The following RPSA2 variants were observed in gnomAD, a reference collection of about 807,000 sequenced individuals.
RPSA2 encodes small ribosomal subunit protein uS2B.
At chr19:23,823,836 C>T in the RPSA2 span, 1 of 152,552 alleles carries the variant, frequency 6.6e-6, no homozygotes, top group South Asian at 2.1e-4. Flanking sequence ...GATAGCTGAT[C>T]CCTTCTTCAG....
the RPSA2 span, among the ~76,000 whole-genome samples, chr19:23,785,793 A>G: frequency 1.3e-5 from 2 of 152,172 alleles, no homozygotes; most frequent in Admixed American, 6.5e-5. Flanking sequence ...TCATACCTCA[A>G]ACCATCTAAT....
chr19:23,831,997 A>C, the RPSA2 span: 1 of 402,850 alleles, frequency 2.5e-6, no homozygotes, highest in African/African-American at 2.1e-5. Context: ...AAAAACCTTT[A>C]ATTGGTCCTC....
At chr19:23,834,822 A>G in the RPSA2 span, among the ~76,000 whole-genome samples, 148,783 of 152,122 alleles carry the variant, frequency 0.98, 72,851 homozygotes, top group Middle Eastern at 1. Flanking sequence ...GACTGACATC[A>G]CTAGTAATCT....
chr19:23,861,728 G>A, the RPSA2 span, among the ~76,000 whole-genome samples: 6 of 152,136 alleles, frequency 3.9e-5, no homozygotes, highest in Admixed American at 2.0e-4. Flanking sequence ...CATCACAGAA[G>A]GGAAGGTCTA....
the RPSA2 span, among the ~76,000 whole-genome samples, chr19:23,828,779 G>A: frequency 6.6e-6 from 1 of 151,876 alleles, no homozygotes; most frequent in Non-Finnish European, 1.5e-5. Context: ...GTTTTATACT[G>A]CCTTTAAGTA....
the RPSA2 span, among the ~76,000 whole-genome samples, chr19:23,857,598 C>A: frequency 5.0e-5 from 7 of 140,576 alleles, no homozygotes; most frequent in Non-Finnish European, 1.1e-4. Context: ...TGAAGAGATT[C>A]TCCTGCCTCA....
chr19:23,777,358 A>G, the RPSA2 span, among the ~76,000 whole-genome samples: 1 of 152,118 alleles, frequency 6.6e-6, no homozygotes, highest in East Asian at 1.9e-4. Context: ...CTTTGCCTAC[A>G]GGGGTATGAT....
At chr19:23,841,447 G>C in the RPSA2 span, among the ~76,000 whole-genome samples, 2 of 152,232 alleles carry the variant, frequency 1.3e-5, no homozygotes, top group Non-Finnish European at 2.9e-5. Flanking sequence ...CTGGGCGACA[G>C]AGCCAGACTC....
chr19:23,804,929 G>C, the RPSA2 span, among the ~76,000 whole-genome samples: 1 of 151,858 alleles, frequency 6.6e-6, no homozygotes, highest in Non-Finnish European at 1.5e-5. Flanking sequence ...TAATTTGCCA[G>C]AATCAAGTAT....
the RPSA2 span, among the ~76,000 whole-genome samples, chr19:23,862,167 G>A: frequency 6.6e-6 from 1 of 152,048 alleles, no homozygotes; most frequent in African/African-American, 2.4e-5. Flanking sequence ...CTCGTGATTT[G>A]GCTCTCTGTT....
the RPSA2 span, among the ~76,000 whole-genome samples, chr19:23,772,424 G>T: frequency 3.3e-5 from 5 of 152,146 alleles, no homozygotes. Context: ...CTACCTACAG[G>T]TTAAATGGTG....
the RPSA2 span, among the ~76,000 whole-genome samples, chr19:23,824,179 C>T: frequency 1.3e-5 from 2 of 152,166 alleles, no homozygotes; most frequent in African/African-American, 4.8e-5. Context: ...GTTAATTAAA[C>T]AGTGACAGGT....
At chr19:23,762,110 G>C in the RPSA2 span, among the ~76,000 whole-genome samples, 1 of 150,736 alleles carries the variant, frequency 6.6e-6, no homozygotes, top group Non-Finnish European at 1.5e-5. Flanking sequence ...TAGAGACGGG[G>C]TTTCACCATG....
the RPSA2 span, among the ~76,000 whole-genome samples, chr19:23,844,253 A>G: frequency 1.3e-5 from 2 of 152,214 alleles, no homozygotes; most frequent in Middle Eastern, 3.4e-3. Flanking sequence ...TATCATTGTT[A>G]TTATACTTGT....
chr19:23,839,596 C>G, the RPSA2 span, among the ~76,000 whole-genome samples: 1 of 152,192 alleles, frequency 6.6e-6, no homozygotes, highest in Admixed American at 6.5e-5. Flanking sequence ...AAGCCAGAGT[C>G]ACGCCTTCCC....
the RPSA2 span, among the ~76,000 whole-genome samples, chr19:23,805,282 A>C: frequency 6.6e-6 from 1 of 151,862 alleles, no homozygotes. Flanking sequence ...CTCCTCCCCC[A>C]GCCTCCTGAG....
the RPSA2 span, among the ~76,000 whole-genome samples, chr19:23,869,842 A>T: frequency 2.0e-5 from 3 of 152,312 alleles, no homozygotes; most frequent in East Asian, 5.8e-4. Flanking sequence ...ACACAGTCTT[A>T]ATGTCACATT....
the RPSA2 span, among the ~76,000 whole-genome samples, chr19:23,775,329 T>G: frequency 6.6e-6 from 1 of 152,152 alleles, no homozygotes; most frequent in Non-Finnish European, 1.5e-5. Flanking sequence ...AGGTGGTGAC[T>G]TATTAATAAG....
chr19:23,856,108 G>C, the RPSA2 span, among the ~76,000 whole-genome samples: 3 of 152,084 alleles, frequency 2.0e-5, no homozygotes, highest in Non-Finnish European at 4.4e-5. Flanking sequence ...AGATAACAAA[G>C]GCCGAACAGA....
Sources: gnomAD v4.1 joint callset for allele counts (sites outside exome capture counted in the v4.1 genomes callset) on GRCh38, gnomAD v4.1.1 for gene constraint, MANE v1.5 for transcripts, NCBI Gene and HGNC (gene_info 2026-07-23, HGNC 2026-07-21) for gene names.